Variants in TENM2 observed in about 807,000 individuals in gnomAD.
TENM2 encodes the protein teneurin transmembrane protein 2.
Under a neutral mutation model 245.2 loss-of-function variants are expected in TENM2, and 52 were observed. The ratio of observed to expected loss-of-function variants is 0.21; its 90% CI spans 0.17 to 0.27. TENM2 has a LOEUF of 0.27. TENM2 is among the 10% of genes least tolerant of loss of function. TENM2 has a pLI of 1.00. For missense variants in TENM2, 3,046 were observed against 3,666.8 expected, an observed-to-expected ratio of 0.83 and a Z score of 4.37; for synonymous variants, 1,363 against 1,438.9, an observed-to-expected ratio of 0.95 and a Z score of 1.19.
At chr5:167,115,129 A>G in the TENM2 span, among the ~76,000 whole-genome samples, 6 of 152,192 alleles carry the variant, frequency 3.9e-5, no homozygotes, top group African/African-American at 9.7e-5. Context: ...GTTACAGAAG[A>G]GTGTGTAGGT....
At chr5:167,094,381 G>A in the TENM2 span, among the ~76,000 whole-genome samples, 1 of 151,926 alleles carries the variant, frequency 6.6e-6, no homozygotes, top group South Asian at 2.1e-4. Context: ...TTGTTACTGG[G>A]TATAAATTTG....
chr5:167,762,274 C>T (rs1163048979), intron 2 of TENM2, among the ~76,000 whole-genome samples: 1 of 152,174 alleles, frequency 6.6e-6, no homozygotes, highest in Admixed American at 6.5e-5. Flanking sequence ...CCTGCACATC[C>T]CCAAAGACCT....
chr5:168,096,354 CAGGT>C (rs1250046345), intron 8 of TENM2, among the ~76,000 whole-genome samples: 5 of 152,178 alleles, frequency 3.3e-5, no homozygotes, highest in African/African-American at 1.2e-4. Context: ...ATGAAACAAA[CAGGT>C]AGCCACCTGG....
chr5:167,334,916 T>C (rs1237727460), intron 1 of TENM2, among the ~76,000 whole-genome samples: 3 of 152,218 alleles, frequency 2.0e-5, no homozygotes, highest in African/African-American at 4.8e-5. Context: ...GTTGATGATA[T>C]TTAACTCAAA....
chr5:167,406,237 C>T (rs190407430), intron 2 of TENM2, among the ~76,000 whole-genome samples: 5 of 152,204 alleles, frequency 3.3e-5, no homozygotes, highest in South Asian at 2.1e-4. Context: ...AGTTCTCATC[C>T]GGGATGTTTA....
At chr5:167,350,374 A>C (rs896725670) in intron 1 of TENM2, among the ~76,000 whole-genome samples, 4 of 151,410 alleles carry the variant, frequency 2.6e-5, no homozygotes, top group East Asian at 3.9e-4. Flanking sequence ...TTTGGGATAA[A>C]TTGAAGTGAT....
intron 1 of TENM2, among the ~76,000 whole-genome samples, chr5:167,299,170 G>A (rs974126108): frequency 6.6e-6 from 1 of 152,164 alleles, no homozygotes; most frequent in African/African-American, 2.4e-5. Flanking sequence ...GAAGACTGAG[G>A]ACTGTAAGGG....
chr5:167,045,782 T>C, the TENM2 span, among the ~76,000 whole-genome samples: 1 of 152,128 alleles, frequency 6.6e-6, no homozygotes, highest in Admixed American at 6.5e-5. Flanking sequence ...TTGGGAAGCA[T>C]AGAGAATGCT....
At chr5:167,913,963 C>T (rs1428174148) in intron 3 of TENM2, among the ~76,000 whole-genome samples, 1 of 152,180 alleles carries the variant, frequency 6.6e-6, no homozygotes, top group Admixed American at 6.5e-5. Context: ...ATGGTGCCTG[C>T]GTCTGGTGAG....
chr5:167,957,950 G>A (rs1175890792), intron 4 of TENM2, among the ~76,000 whole-genome samples: 2 of 152,174 alleles, frequency 1.3e-5, no homozygotes, highest in African/African-American at 4.8e-5. Context: ...TGTATATTCT[G>A]TTGATTTGGG....
At chr5:167,173,335 A>G in the TENM2 span, among the ~76,000 whole-genome samples, 3 of 152,086 alleles carry the variant, frequency 2.0e-5, no homozygotes, top group Non-Finnish European at 2.9e-5. Flanking sequence ...TGTCAATAGA[A>G]TACCGACGAG....
At chr5:167,775,342 T>TG (rs1362436521) in intron 2 of TENM2, among the ~76,000 whole-genome samples, 1 of 152,198 alleles carries the variant, frequency 6.6e-6, no homozygotes, top group Non-Finnish European at 1.5e-5. Context: ...CCTTGTCGGA[T>TG]GGAATTTCTC....
intron 1 of TENM2, among the ~76,000 whole-genome samples, chr5:167,354,675 T>C (rs531236340): frequency 6.6e-6 from 1 of 152,232 alleles, no homozygotes; most frequent in Non-Finnish European, 1.5e-5. Flanking sequence ...TGAATTGAAG[T>C]TTCCCCACCT....
chr5:167,537,067 A>G (rs1286247989), intron 2 of TENM2, among the ~76,000 whole-genome samples: 1 of 152,068 alleles, frequency 6.6e-6, no homozygotes, highest in African/African-American at 2.4e-5. Flanking sequence ...AAAGTTTAGC[A>G]TGCTGTACAA....
In TENM2 at chr5:168,219,008, G is replaced by T; in HGVS notation, c.5108+9G>T. ...TGGACGACTTTCTATGAGTAAGTGGGTTTGTAAAGCATCTCTGAAGAGCCC... is the reference window on the plus strand; with the variant it reads ...TGGACGACTTTCTATGAGTAAGTGGTTTTGTAAAGCATCTCTGAAGAGCCC... On this transcript the variant is annotated intron_variant, in intron 23 of 28. Coordinates refer to ENST00000518659, the Ensembl canonical transcript of TENM2. The T allele has an allele frequency of 6.2e-7, 1 of 1,608,404 alleles. No individual in the cohort carries two copies. The highest frequency in any genetic ancestry group is 1.1e-5 in the South Asian group (1 of 90,726).
In TENM2 at chr5:168,170,382, T is replaced by C. The variant is rs1242005508; in HGVS notation, c.2569+7625T>C. 2.0e-5 allele frequency among the ~76,000 whole-genome samples: 3 copies of C among 152,050 alleles called. No individual in the cohort carries two copies. The South Asian group carries it at 6.2e-4, about 32-fold the overall frequency. On this transcript the variant is annotated intron_variant, in intron 13 of 28. Coordinates refer to ENST00000518659, the Ensembl canonical transcript of TENM2. ...AGCCGGGCATAGTGGCTCACACCTG[T>C]AGTCCCAGCTACTCAGGAAGCTGAG... is the stretch of plus-strand genomic sequence containing the variant.
At chr5:168,191,481 T>C (rs1054979855) in intron 14 of TENM2, among the ~76,000 whole-genome samples, 1 of 152,018 alleles carries the variant, frequency 6.6e-6, no homozygotes, top group African/African-American at 2.4e-5. Flanking sequence ...CGTGGTCTAA[T>C]TGGGGATGCC....
chr5:167,408,044 T>C lies in TENM2; in HGVS notation c.502+32571T>C, dbSNP rs535347899. Among the ~76,000 whole-genome samples, 18 of 152,310 alleles carry C rather than the reference T, an allele frequency of 1.2e-4. No homozygotes were observed. In the South Asian group the frequency reaches 3.1e-3, roughly 26 times the overall value. ...CTCTCATTCTTCTTCTGGGGAAATA[T>C]CTAAACTCCATTGCATTTCCTTATT... On this transcript the variant is annotated intron_variant, in intron 2 of 28. Coordinates refer to ENST00000518659, the Ensembl canonical transcript of TENM2.
At position 168,024,139 on chromosome 5, in the gene TENM2, A is replaced by T. The variant is rs1487595858; in HGVS notation, c.1187-23288A>T. On this transcript the variant is annotated intron_variant, in intron 5 of 28. Coordinates refer to ENST00000518659, the Ensembl canonical transcript of TENM2. The stretch of plus-strand genomic sequence containing the variant: ...CTCAATTTTAATAATTGGGCTCATC[A>T]TACCCCATGCATGAGTTCAGGCACT... Among the ~76,000 whole-genome samples the T allele has an allele frequency of 3.3e-5, 5 of 152,138 alleles. No individual in the cohort carries two copies. The East Asian group carries it at 7.7e-4, about 23-fold the overall frequency.
Sources: gnomAD v4.1 joint callset for allele counts (sites outside exome capture counted in the v4.1 genomes callset) on GRCh38, gnomAD v4.1.1 for gene constraint, MANE v1.5 for transcripts, NCBI Gene and HGNC (gene_info 2026-07-23, HGNC 2026-07-21) for gene names.